Variants in CYP4F22 observed in about 807,000 individuals in gnomAD.
CYP4F22 encodes the protein ultra-long-chain fatty acid omega-hydroxylase.
In CYP4F22, 37 loss-of-function variants were observed where a neutral mutation model predicts 60.4. The observed-to-expected ratio is 0.61, with a 90% CI of 0.47 to 0.81. The LOEUF is 0.81. Ranked by LOEUF, CYP4F22 falls within the 30% of genes least tolerant of loss-of-function variation. CYP4F22 has a pLI of 0.00. For synonymous variants in CYP4F22, 258 were observed against 280.5 expected, an observed-to-expected ratio of 0.92 and a Z score of 0.80; for missense variants, 655 against 715.0, an observed-to-expected ratio of 0.92 and a Z score of 0.96.
intron 11 of CYP4F22, 74 bp from the exon 12 acceptor site, chr19:15,549,064 G>A: frequency 6.5e-7 from 1 of 1,548,616 alleles, no homozygotes; most frequent in Non-Finnish European, 8.9e-7. Flanking sequence ...GCTCTAGGGA[G>A]ACCCAAGTTG....
At chr19:15,533,591 C>CTTTTTTTTTTTTT (rs34585637) in intron 4 of CYP4F22, among the ~76,000 whole-genome samples, 1 of 91,432 alleles carries the variant, frequency 1.1e-5, no homozygotes, top group Non-Finnish European at 2.1e-5. Context: ...CAGTTTCATT[C>CTTTTTTTTTTTTT]TTTTTTTTTT....
intron 3 of CYP4F22, among the ~76,000 whole-genome samples, chr19:15,527,501 T>C (rs1971296323): frequency 6.6e-6 from 1 of 152,302 alleles, no homozygotes; most frequent in East Asian, 1.9e-4. Flanking sequence ...GCCCTTACTC[T>C]AGAAAGCCCT....
intron 1 of CYP4F22, among the ~76,000 whole-genome samples, chr19:15,520,447 G>A (rs1971210417): frequency 6.7e-6 from 1 of 148,784 alleles, no homozygotes; most frequent in Non-Finnish European, 1.5e-5. Context: ...CCATTTATTG[G>A]TGACAAACAC....
chr19:15,548,002 AGTGTGTGTGTGTGTGTGTGTGT>A lies in CYP4F22; in HGVS notation c.1137-79_1137-58del, dbSNP rs1162465828. On this transcript the variant is annotated intron_variant, in intron 10 of 13. Coordinates refer to ENST00000269703, the MANE Select transcript of CYP4F22 (RefSeq NM_173483.4). ...GAGAGAGAGAGAGAGAGAGGGAGAG[AGTGTGTGTGTGTGTGTGTGTGT>A]GTGTGTGTGTGTGTGTGTGTGTGTG... The A allele has an allele frequency of 2.3e-4, 86 of 367,266 alleles. 3 individuals are homozygous for A. The highest frequency in any genetic ancestry group is 1.9e-3 in the Middle Eastern group (2 of 1,036). The allele number at this position is 367,266 out of a possible 1,614,324, so 22.8% of individuals were successfully genotyped here.
At chr19:15,514,907 G>A (rs1224114941) in intron 1 of CYP4F22, among the ~76,000 whole-genome samples, 1 of 152,278 alleles carries the variant, frequency 6.6e-6, no homozygotes, top group South Asian at 2.1e-4. Flanking sequence ...GGTGCTTTTA[G>A]CTCTGGGGCT....
At position 15,513,531 on chromosome 19, in the gene CYP4F22, A is replaced by AT. The variant is rs1054339420; in HGVS notation, c.-109+4956dup. On this transcript the variant is annotated intron_variant, in intron 1 of 13. Coordinates refer to ENST00000269703, the MANE Select transcript of CYP4F22 (RefSeq NM_173483.4). Reference sequence around the variant, plus strand: ...AGGCGCCCGCCACCTCGCCCGGCTAATTTTTTTTATTTTTAGTAGAGACGG... The same window carrying AT: ...AGGCGCCCGCCACCTCGCCCGGCTAATTTTTTTTTATTTTTAGTAGAGACGG... 3.0e-4 allele frequency among the ~76,000 whole-genome samples: 46 copies of AT among 151,574 alleles called. 1 individual carries two copies. The East Asian group carries it at 6.2e-3, about 20-fold the overall frequency.
chr19:15,548,628 C>T (rs759113422), intron 11 of CYP4F22, among the ~76,000 whole-genome samples: 8 of 151,838 alleles, frequency 5.3e-5, no homozygotes, highest in Admixed American at 3.3e-4. Context: ...CATTCCCAGG[C>T]GTATGGAATC....
chr19:15,542,756 C>G (rs111915007), intron 8 of CYP4F22, among the ~76,000 whole-genome samples: 192 of 152,066 alleles, frequency 1.3e-3, no homozygotes, highest in African/African-American at 4.5e-3. Flanking sequence ...CCCCTGTGTC[C>G]GTGTGTTTTC....
Position 15,544,333 on chromosome 19 carries a change from T to C in CYP4F22, c.1136+54T>C. ...GGCAGGTTGAGGCCAGAGCCTTGGG[T>C]GTAAGCCTCTGCTCTCCCACTTACT... On this transcript the variant is annotated intron_variant, in intron 10 of 13. Coordinates refer to ENST00000269703, the MANE Select transcript of CYP4F22 (RefSeq NM_173483.4). 1.3e-6 allele frequency: 2 copies of C among 1,572,640 alleles called. 1 individual carries two copies. Among genetic ancestry groups the C allele is most frequent in the South Asian group, 2.3e-5 (2 of 88,014 alleles).
At position 15,526,869 on chromosome 19, in the gene CYP4F22, C is replaced by T. The variant is rs1204988783; in HGVS notation, c.222+1311C>T. 3.9e-5 allele frequency among the ~76,000 whole-genome samples: 6 copies of T among 152,096 alleles called. No homozygotes were observed. The East Asian group carries it at 9.7e-4, about 25-fold the overall frequency. ...AAGGGATCCTCCTGCCTCAGCCTCC[C>T]AAGTAGCTGCGACTGCAAGCCTGCA... is the stretch of plus-strand genomic sequence containing the variant. On this transcript the variant is annotated intron_variant, in intron 3 of 13. Transcript: ENST00000269703.
intron 12 of CYP4F22, among the ~76,000 whole-genome samples, 194 bp downstream of exon 12, chr19:15,549,396 A>C (rs1383769840): frequency 6.6e-6 from 1 of 152,192 alleles, no homozygotes; most frequent in African/African-American, 2.4e-5. Context: ...TGTGTGCCAG[A>C]GTGTGTGCTG....
At chr19:15,548,306 A>C in intron 11 of CYP4F22, 65 bp downstream of exon 11, 1 of 1,608,486 alleles carries the variant, frequency 6.2e-7, no homozygotes, top group South Asian at 1.1e-5. Context: ...TCTATTGTCC[A>C]CAGGGGCCTG....
rs202066269 is a variant in CYP4F22, at chr19:15,525,356, G to T, written c.20G>T (p.Arg7Leu). MLPITD[R>L]LLHLLGLEKT... The stretch of plus-strand genomic sequence containing the variant: ...CCCAGGATGCTGCCCATCACAGACC[G>T]CCTGCTGCACCTCCTGGGGCTGGAG... Residue 7 changes from arginine to leucine, a missense_variant, in exon 3 of 14, where the codon CGC becomes CTC. Physicochemically the swap from Arg to Leu is moderately radical, Grantham distance 102. Transcript: ENST00000269703. 1 of 1,613,744 alleles carries T rather than the reference G, an allele frequency of 6.2e-7. No individual in the cohort carries two copies. Among genetic ancestry groups the T allele is most frequent in the Non-Finnish European group, 8.5e-7 (1 of 1,180,026 alleles).
Position 15,550,705 on chromosome 19 carries a change from A to G in CYP4F22, c.1367A>G (p.Asn456Ser), listed in dbSNP as rs151317392. The change falls in exon 13 of 14, where the codon AAC becomes AGC. Residue 456 changes from asparagine to serine, a missense_variant. Physicochemically the swap from Asn to Ser is conservative, Grantham distance 46. Coordinates refer to ENST00000269703, the MANE Select transcript of CYP4F22 (RefSeq NM_173483.4). ...VYNPYRFDPD[N>S]PQQRSPLAYV... ...AACCCCTACCGCTTTGACCCGGACAACCCACAGCAGCGCTCTCCACTGGCC... is the reference window on the plus strand; with the variant it reads ...AACCCCTACCGCTTTGACCCGGACAGCCCACAGCAGCGCTCTCCACTGGCC... 3.7e-6 allele frequency: 6 copies of G among 1,613,946 alleles called. No individual in the cohort carries two copies. The African/African-American group carries it at 6.7e-5, about 18-fold the overall frequency.
At position 15,526,635 on chromosome 19, in the gene CYP4F22, AGCTGGG is replaced by A. The variant is rs1210354235; in HGVS notation, c.222+1079_222+1084del. 3.3e-5 allele frequency among the ~76,000 whole-genome samples: 5 copies of A among 152,258 alleles called. No individual in the cohort carries two copies. The East Asian group carries it at 7.7e-4, about 24-fold the overall frequency. ...AGGTCACACAGCTTGTAAGTGGCAG[AGCTGGG>A]GTTCAAACCCAGCCTGTCAAGCTCT... is the stretch of plus-strand genomic sequence containing the variant. On this transcript the variant is annotated intron_variant, in intron 3 of 13. Transcript: ENST00000269703.
intron 12 of CYP4F22, among the ~76,000 whole-genome samples, chr19:15,550,368 T>A (rs34680517): frequency 0.5 from 75,187 of 151,766 alleles, 18,737 homozygotes; most frequent in Middle Eastern, 0.6. Context: ...GCTCGAGTGG[T>A]TATGAAAGGC....
intron 8 of CYP4F22, among the ~76,000 whole-genome samples, chr19:15,542,458 A>C (rs1253617384): frequency 6.6e-6 from 1 of 152,002 alleles, no homozygotes; most frequent in South Asian, 2.1e-4. Context: ...AATCGCTTGA[A>C]CCCTGGAGGC....
At chr19:15,546,174 C>T (rs1168138162) in intron 10 of CYP4F22, among the ~76,000 whole-genome samples, 1 of 152,134 alleles carries the variant, frequency 6.6e-6, no homozygotes, top group Non-Finnish European at 1.5e-5. Context: ...TGGGGACTTG[C>T]TGTGTTGCCC....
At chr19:15,538,180 G>A (rs1194834430) in intron 7 of CYP4F22, among the ~76,000 whole-genome samples, 187 bp downstream of exon 7, 1 of 152,076 alleles carries the variant, frequency 6.6e-6, no homozygotes. Flanking sequence ...AAAAAAATGG[G>A]CATCATAATT....
Sources: gnomAD v4.1 joint callset for allele counts (sites outside exome capture counted in the v4.1 genomes callset) on GRCh38, gnomAD v4.1.1 for gene constraint, MANE v1.5 for transcripts, NCBI Gene and HGNC (gene_info 2026-07-23, HGNC 2026-07-21) for gene names.